TRPC4: variants seen among roughly 807,000 people sequenced by gnomAD.
TRPC4 encodes transient receptor potential cation channel subfamily C member 4.
A neutral mutation model predicts 99.4 loss-of-function variants in TRPC4; 49 were observed. The observed-to-expected ratio is 0.49, with a 90% confidence interval of 0.39 to 0.63. The LOEUF is 0.63. Ranked by LOEUF, TRPC4 falls within the 20% of genes least tolerant of loss-of-function variation. TRPC4 has a pLI of 0.00. For missense variants in TRPC4, 898 were observed against 1,152.9 expected (o/e 0.78, Z 3.20); for synonymous variants, 454 against 425.9 (o/e 1.07, Z -0.81).
intron 1 of TRPC4, among the ~76,000 whole-genome samples, chr13:37,848,129 T>C (rs1958954056): frequency 6.6e-6 from 1 of 152,200 alleles, no homozygotes; most frequent in Non-Finnish European, 1.5e-5. Flanking sequence ...AAGCCCATCA[T>C]AAGCTGAGGA....
At chr13:37,748,821 A>G (rs755290202) in intron 2 of TRPC4, among the ~76,000 whole-genome samples, 26 of 152,156 alleles carry the variant, frequency 1.7e-4, no homozygotes, top group Non-Finnish European at 2.1e-4. Context: ...AGAGAGATAC[A>G]GTAAGTTTAT....
intron 1 of TRPC4, among the ~76,000 whole-genome samples, chr13:37,842,840 TA>T (rs1469197314): frequency 1.3e-5 from 2 of 152,126 alleles, no homozygotes; most frequent in Non-Finnish European, 2.9e-5. Context: ...CATTGATAAA[TA>T]AGGATGAGAA....
At chr13:37,851,885 G>A (rs9548079) in intron 1 of TRPC4, among the ~76,000 whole-genome samples, 28,319 of 152,170 alleles carry the variant, frequency 0.19, 2,771 homozygotes, top group Non-Finnish European at 0.2. Context: ...CCCTGCAATA[G>A]TGGAGAGTAA....
At chr13:37,691,331 C>G (rs961159644) in intron 4 of TRPC4, among the ~76,000 whole-genome samples, 12 of 152,082 alleles carry the variant, frequency 7.9e-5, no homozygotes, top group African/African-American at 2.9e-4. Flanking sequence ...GCTACGATCT[C>G]CTGACCTCGT....
At chr13:37,730,785 T>G (rs572871382) in intron 3 of TRPC4, among the ~76,000 whole-genome samples, 2 of 152,226 alleles carry the variant, frequency 1.3e-5, no homozygotes, top group East Asian at 3.9e-4. Context: ...TTTACTTTGA[T>G]TTTCCCACAC....
chr13:37,805,732 G>T (rs996748594), intron 1 of TRPC4, among the ~76,000 whole-genome samples: 2 of 151,902 alleles, frequency 1.3e-5, no homozygotes, highest in East Asian at 1.9e-4. Flanking sequence ...ATTGTCAAGG[G>T]CCTTGTACTT....
At chr13:37,863,838 A>T (rs1959559773) in intron 1 of TRPC4, among the ~76,000 whole-genome samples, 1 of 151,612 alleles carries the variant, frequency 6.6e-6, no homozygotes, top group South Asian at 2.1e-4. Context: ...CTGATGACAG[A>T]CCAATTCAAT....
At chr13:37,821,190 CCACA>C (rs3086254) in intron 1 of TRPC4, among the ~76,000 whole-genome samples, 22,828 of 135,880 alleles carry the variant, frequency 0.17, 2,074 homozygotes, top group Middle Eastern at 0.24. Flanking sequence ...TTCACAATAG[CCACA>C]CACACACACA....
rs1248085272 is a variant in TRPC4 at position 37,782,810 on chromosome 13, CT to C, written c.378+145del. The C allele has an allele frequency of 6.7e-6, 5 of 741,818 alleles. No homozygotes were observed. In the African/African-American group the frequency reaches 7.3e-5, roughly 11 times the overall value. 46.0% of individuals were successfully genotyped at this position (741,818 alleles called of 1,614,324 possible). On this transcript the variant is annotated intron_variant, in intron 2 of 10. Transcript: ENST00000379705. ...GAAGGGTGTACCTAATAGTAGTTTT[CT>C]GTTATAATATAGTTCAGATTTTGAA...
rs1177485861 is a variant in TRPC4 at position 37,636,092 on chromosome 13, AT to A, written c.*810del. On this transcript the variant is annotated 3_prime_UTR_variant, in exon 11 of 11. Coordinates refer to ENST00000379705, the MANE Select transcript of TRPC4 (RefSeq NM_016179.4). Reference sequence around the variant, plus strand: ...GATACTTACAATATTATGGTTTATTATTTTTTTATAACAGAAATCTTGCCAT... The same window carrying A: ...GATACTTACAATATTATGGTTTATTATTTTTTATAACAGAAATCTTGCCAT... 7.2e-5 allele frequency among the ~76,000 whole-genome samples: 11 copies of A among 151,988 alleles called. No homozygotes were observed. Among genetic ancestry groups the A allele is most frequent in the Non-Finnish European group, 4.4e-5 (3 of 67,958 alleles).
intron 1 of TRPC4, among the ~76,000 whole-genome samples, chr13:37,834,457 C>G (rs1958506871): frequency 1.3e-5 from 2 of 152,120 alleles, no homozygotes; most frequent in Admixed American, 1.3e-4. Context: ...GAAAGTGGGT[C>G]AAAAATGATC....
intron 1 of TRPC4, among the ~76,000 whole-genome samples, chr13:37,799,098 A>AT (rs993756372): frequency 4.8e-4 from 72 of 150,994 alleles, no homozygotes; most frequent in Middle Eastern, 3.4e-3. Context: ...TGCCCAGCTA[A>AT]TTTTTTTTTG....
intron 1 of TRPC4, among the ~76,000 whole-genome samples, chr13:37,785,673 G>C (rs1163000931): frequency 6.6e-6 from 1 of 151,918 alleles, no homozygotes; most frequent in Non-Finnish European, 1.5e-5. Flanking sequence ...ACTCACGATA[G>C]AGAATGAAAA....
intron 1 of TRPC4, among the ~76,000 whole-genome samples, chr13:37,811,108 C>T (rs1173172397): frequency 2.6e-5 from 4 of 151,972 alleles, no homozygotes; most frequent in African/African-American, 4.8e-5. Context: ...TTTTTAGTTG[C>T]ACTGAATTAT....
At chr13:37,796,905 C>G (rs1254464413) in intron 1 of TRPC4, among the ~76,000 whole-genome samples, 3 of 65,540 alleles carry the variant, frequency 4.6e-5, no homozygotes, top group Non-Finnish European at 9.1e-5. Flanking sequence ...CCAGTCTGGA[C>G]AACATAGCAA....
intron 3 of TRPC4, among the ~76,000 whole-genome samples, chr13:37,723,761 C>T (rs573890176): frequency 3.3e-5 from 5 of 152,132 alleles, no homozygotes; most frequent in East Asian, 3.9e-4. Flanking sequence ...TGCTGTGTTG[C>T]CCAGGCTGGT....
At chr13:37,699,104 A>G (rs1417482392) in intron 3 of TRPC4, among the ~76,000 whole-genome samples, 4 of 152,166 alleles carry the variant, frequency 2.6e-5, no homozygotes, top group Non-Finnish European at 2.9e-5. Context: ...GTATTAATAA[A>G]TTATTAAATT....
intron 3 of TRPC4, among the ~76,000 whole-genome samples, chr13:37,734,734 C>A (rs780265730): frequency 6.6e-6 from 1 of 152,020 alleles, no homozygotes; most frequent in Non-Finnish European, 1.5e-5. Flanking sequence ...CTACATGTCC[C>A]GGAGCTGCCT....
At chr13:37,705,175 T>C (rs1428835654) in intron 3 of TRPC4, among the ~76,000 whole-genome samples, 1 of 152,158 alleles carries the variant, frequency 6.6e-6, no homozygotes, top group East Asian at 1.9e-4. Context: ...AAGGGCATTA[T>C]GTTAAGTGAA....
Sources: allele counts gnomAD v4.1 joint callset (sites outside exome capture counted in the v4.1 genomes callset), GRCh38; gene constraint gnomAD v4.1.1; transcripts MANE v1.5; gene names NCBI Gene and HGNC (gene_info 2026-07-23, HGNC 2026-07-21).